Variants in DOP1B observed in about 807,000 individuals in gnomAD.
DOP1B encodes the protein DOP1 leucine zipper like protein B, also known as protein DOP1B.
A neutral mutation model predicts 233.5 loss-of-function variants in DOP1B; 174 were observed. The observed-to-expected ratio is 0.75, with a 90% CI of 0.66 to 0.85. The LOEUF (loss-of-function observed/expected upper bound fraction) is 0.85. Among genes scored for constraint, DOP1B ranks in the 40% least tolerant of loss-of-function variants. The pLI is 0.00. For missense variants in DOP1B, 2,652 were observed against 2,846.6 expected (o/e 0.93, Z 1.56); for synonymous variants, 1,190 against 1,185.6 (o/e 1.00, Z -0.08).
intron 32 of DOP1B, among the ~76,000 whole-genome samples, chr21:36,284,183 C>A (rs1437030405): frequency 6.6e-6 from 1 of 151,168 alleles, no homozygotes; most frequent in East Asian, 1.9e-4. Context: ...CTCCTGACCT[C>A]AAGTGATCCG....
At chr21:36,199,742 C>T (rs987221665) in intron 3 of DOP1B, among the ~76,000 whole-genome samples, 3 of 152,174 alleles carry the variant, frequency 2.0e-5, no homozygotes, top group African/African-American at 7.2e-5. Flanking sequence ...CAGCTTCATC[C>T]ATGTCCCTAC....
intron 26 of DOP1B, 98 bp downstream of exon 26, chr21:36,263,912 C>T: frequency 8.3e-7 from 1 of 1,207,648 alleles, no homozygotes; most frequent in South Asian, 1.3e-5. Flanking sequence ...AGACATTGGA[C>T]AGAATCTGAG....
In DOP1B at chr21:36,246,189, G is replaced by T; in HGVS notation, c.4209G>T (p.Gly1403=). Residue 1403 remains glycine (G), a synonymous_variant, in exon 19 of 37, where the codon GGG becomes GGT. Transcript: ENST00000691173. The surrounding 1 kb of genome is among the most constrained non-coding windows in gnomAD (Gnocchi z 5.1). ...ASMYTSQKRY[G]LATAHHGRAL... ...TGTACACGAGCCAGAAGCGCTACGG[G>T]CTGGCCACCGCCCACCACGGCAGGG... is the stretch of plus-strand genomic sequence containing the variant. 4 of 1,613,728 alleles carry T rather than the reference G, an allele frequency of 2.5e-6. No individual in the cohort carries two copies. Among genetic ancestry groups the T allele is most frequent in the Non-Finnish European group, 3.4e-6 (4 of 1,180,032 alleles).
chr21:36,283,936 CTTTTTTTTTT>C lies in DOP1B; in HGVS notation c.6160+2340_6160+2349del, dbSNP rs547999186. On this transcript the variant is annotated intron_variant, in intron 32 of 36. Transcript: ENST00000691173. ...TCAGTCTAAGAGCAGACACCTGTTCCTTTTTTTTTTTTTTTTTTTTTTTTCCTTTGAGATG... is the reference window on the plus strand; with the variant it reads ...TCAGTCTAAGAGCAGACACCTGTTCCTTTTTTTTTTTTTTCCTTTGAGATG... Among the ~76,000 whole-genome samples the C allele has an allele frequency of 3.1e-3, 312 of 101,010 alleles. 3 individuals are homozygous for C. The highest frequency in any genetic ancestry group is 0.012 in the African/African-American group (290 of 24,992). The allele number at this position is 101,010 out of a possible 152,430, so 66.3% of individuals were successfully genotyped here.
At chr21:36,260,542 GT>G in intron 23 of DOP1B, 134 bp from the exon 24 acceptor site, 1 of 1,184,376 alleles carries the variant, frequency 8.4e-7, no homozygotes, top group Non-Finnish European at 1.2e-6. Flanking sequence ...TATCATGTCT[GT>G]TGTTATATCT....
At chr21:36,247,772 A>G in intron 20 of DOP1B, 144 bp downstream of exon 20, 1 of 599,716 alleles carries the variant, frequency 1.7e-6, no homozygotes, top group Non-Finnish European at 2.8e-6. Context: ...GAATGCAAAT[A>G]TTACATAAGT....
intron 2 of DOP1B, chr21:36,170,323 C>T (rs749142460): frequency 4.6e-5 from 13 of 285,532 alleles, no homozygotes; most frequent in Admixed American, 1.5e-4. Context: ...CTAGGCCTGG[C>T]GCGGTGGCTC....
intron 7 of DOP1B, among the ~76,000 whole-genome samples, chr21:36,212,560 A>G (rs1322432577): frequency 1.3e-5 from 2 of 152,208 alleles, no homozygotes; most frequent in African/African-American, 4.8e-5. Context: ...CCCCTGGGCC[A>G]TGTTTCTGTG....
chr21:36,170,898 C>T (rs1383221243), intron 2 of DOP1B, among the ~76,000 whole-genome samples: 1 of 151,976 alleles, frequency 6.6e-6, no homozygotes, highest in Admixed American at 6.6e-5. Flanking sequence ...TTCCCTGCTG[C>T]TGTGATTAAC....
Position 36,278,505 on chromosome 21 carries a change from C to A in DOP1B, c.5969+150C>A, listed in dbSNP as rs1381701345. 1.2e-5 allele frequency: 9 copies of A among 746,700 alleles called. No individual in the cohort carries two copies. The Admixed American group carries it at 2.1e-4, about 17-fold the overall frequency. The allele number at this position is 746,700 out of a possible 1,614,324, so 46.3% of individuals were successfully genotyped here. On this transcript the variant is annotated intron_variant, in intron 30 of 36. Coordinates refer to ENST00000691173, the MANE Select transcript of DOP1B (RefSeq NM_001320714.2). ...TCCCTGTCACAGGCTCGCATGTTGA[C>A]CATGTGTTCATGGGAAAGGGATCAA...
intron 2 of DOP1B, among the ~76,000 whole-genome samples, chr21:36,183,909 G>T (rs866839142): frequency 6.6e-6 from 1 of 151,290 alleles, no homozygotes; most frequent in Non-Finnish European, 1.5e-5. Flanking sequence ...TGTCGCCCAG[G>T]CTGGAGTGCA....
At chr21:36,229,757 G>A (rs772241472) in intron 13 of DOP1B, among the ~76,000 whole-genome samples, 6 of 151,496 alleles carry the variant, frequency 4.0e-5, no homozygotes, top group Non-Finnish European at 7.4e-5. Context: ...CACCTCATGG[G>A]TTCAAGCGAT....
chr21:36,235,941 C>T (rs1228926161), intron 15 of DOP1B, among the ~76,000 whole-genome samples: 2 of 151,692 alleles, frequency 1.3e-5, no homozygotes, highest in Non-Finnish European at 2.9e-5. Context: ...AATCACTTTC[C>T]CTTAGAGAAA....
chr21:36,199,784 A>G (rs372825447), intron 3 of DOP1B, among the ~76,000 whole-genome samples: 2 of 152,180 alleles, frequency 1.3e-5, no homozygotes, highest in African/African-American at 2.4e-5. Flanking sequence ...TTTTATGGCT[A>G]CATAGTATTC....
intron 1 of DOP1B, among the ~76,000 whole-genome samples, chr21:36,159,748 A>G (rs1423025929): frequency 1.3e-5 from 2 of 152,150 alleles, no homozygotes; most frequent in South Asian, 2.1e-4. Flanking sequence ...CTTATCGTCA[A>G]TACACACCTT....
intron 32 of DOP1B, among the ~76,000 whole-genome samples, chr21:36,283,959 T>C (rs2067449525): frequency 6.8e-6 from 1 of 147,496 alleles, no homozygotes; most frequent in East Asian, 2.0e-4. Flanking sequence ...TTTTTTTTTT[T>C]TCCTTTGAGA....
At chr21:36,273,302 G>C (rs1405993996) in intron 27 of DOP1B, among the ~76,000 whole-genome samples, 1 of 151,118 alleles carries the variant, frequency 6.6e-6, no homozygotes, top group East Asian at 2.0e-4. Context: ...AGCTACCCGG[G>C]AGGCTGAGGC....
At chr21:36,174,994 C>T (rs144945292) in intron 2 of DOP1B, among the ~76,000 whole-genome samples, 399 of 152,278 alleles carry the variant, frequency 2.6e-3, no homozygotes, top group African/African-American at 9.0e-3. Context: ...CCAATATCAA[C>T]GTGTCGGCAG....
chr21:36,164,944 T>C, intron 2 of DOP1B, 73 bp downstream of exon 2: 1 of 1,261,646 alleles, frequency 7.9e-7, no homozygotes, highest in South Asian at 2.6e-5. Flanking sequence ...TATAAGAAAT[T>C]ACATGATTAT....
Sources: gnomAD v4.1 joint callset for allele counts (sites outside exome capture counted in the v4.1 genomes callset) on GRCh38, gnomAD v4.1.1 for gene constraint, Gnocchi (gnomAD v3.1) non-coding constraint, MANE v1.5 for transcripts, NCBI Gene and HGNC (gene_info 2026-07-23, HGNC 2026-07-21) for gene names.